Variants in ADGRD2 observed in about 807,000 individuals in gnomAD.
ADGRD2 encodes adhesion G protein-coupled receptor D2.
A neutral mutation model predicts 44.4 loss-of-function variants in ADGRD2; 71 were observed. The ratio of observed to expected loss-of-function variants is 1.60; its 90% CI spans 1.32 to 1.95. The LOEUF is 1.95. ADGRD2 is among the 30% of genes most tolerant of loss of function. The probability of loss-of-function intolerance (pLI) is 0.00; values close to 1 mark genes in which losing one functional copy is unlikely to be tolerated. For synonymous variants in ADGRD2, 481 were observed against 224.8 expected (o/e 2.14, Z -10.19); for missense variants, 1,039 against 512.4 (o/e 2.03, Z -9.92).
intron 11 of ADGRD2, among the ~76,000 whole-genome samples, 185 bp from the exon 15 acceptor site, chr9:124,467,536 A>C (rs150175341): frequency 0.012 from 1,782 of 152,190 alleles, 41 homozygotes; most frequent in African/African-American, 0.041. Context: ...AGCCAGCAGG[A>C]GAGAAGGACA....
At chr9:124,453,658 G>A (rs1378661756) in exon 3 of ADGRD2, 2 of 700,912 alleles carry the variant, frequency 2.9e-6, no homozygotes, top group Non-Finnish European at 5.2e-6. Context: ...CACTGTGTGG[G>A]TGCGCCTTCT....
rs774855874 is a variant in ADGRD2, at chr9:124,475,516, G to A, written c.2800+29G>A. On this transcript the variant is annotated intron_variant, in intron 18 of 21. Transcript: ENST00000334810. Reference sequence around the variant, plus strand: ...AGTCTGGGGGTGCCGGCTGCAGGGAGAGGGGTCCAAGGGGTAGGGAGGGTC... The same window carrying A: ...AGTCTGGGGGTGCCGGCTGCAGGGAAAGGGGTCCAAGGGGTAGGGAGGGTC... 7 of 715,814 alleles carry A rather than the reference G, an allele frequency of 9.8e-6. No homozygotes were observed. In the South Asian group the frequency reaches 1.0e-4, roughly 11 times the overall value. 44.3% of individuals were successfully genotyped at this position (715,814 alleles called of 1,614,324 possible).
At chr9:124,464,811 C>CGT (rs10635497) in intron 10 of ADGRD2, among the ~76,000 whole-genome samples, 102,902 of 151,144 alleles carry the variant, frequency 0.68, 35,557 homozygotes, top group African/African-American at 0.8. Context: ...TGTGTGTGTA[C>CGT]GTGTGTGTGT....
At chr9:124,472,314 T>G (rs1039446548) in intron 17 of ADGRD2, among the ~76,000 whole-genome samples, 1 of 152,154 alleles carries the variant, frequency 6.6e-6, no homozygotes, top group African/African-American at 2.4e-5. Context: ...CCCCTCTCCC[T>G]GTGCCCTTCT....
intron 17 of ADGRD2, among the ~76,000 whole-genome samples, chr9:124,471,724 C>A (rs1053636497): frequency 2.0e-5 from 3 of 152,230 alleles, no homozygotes; most frequent in Non-Finnish European, 4.4e-5. Context: ...GTTACTCATT[C>A]ATCCATGTGC....
intron 11 of ADGRD2, chr9:124,467,484 C>A: frequency 1.9e-6 from 1 of 531,838 alleles, no homozygotes; most frequent in Non-Finnish European, 3.4e-6. Context: ...TAGTAATTGT[C>A]CAGTTGGTAG....
At chr9:124,458,585 C>T (rs1428734638) in intron 9 of ADGRD2, 31 bp from the exon 13 acceptor site, 2 of 715,528 alleles carry the variant, frequency 2.8e-6, no homozygotes, top group Middle Eastern at 2.3e-4. Flanking sequence ...TCCTCCACAG[C>T]CACCCTTGAA....
At chr9:124,474,343 G>A (rs925690885) in intron 17 of ADGRD2, among the ~76,000 whole-genome samples, 9 of 151,774 alleles carry the variant, frequency 5.9e-5, no homozygotes, top group Admixed American at 2.0e-4. Flanking sequence ...CATGCAGGGC[G>A]TCAGGCAGGT....
At chr9:124,474,246 G>A (rs954064953) in intron 17 of ADGRD2, among the ~76,000 whole-genome samples, 2 of 137,042 alleles carry the variant, frequency 1.5e-5, no homozygotes, top group Non-Finnish European at 3.0e-5. Context: ...TTGCACTCCA[G>A]CCTGGGCAAT....
intron 3 of ADGRD2, 127 bp downstream of exon 6, chr9:124,453,803 T>G: frequency 1.6e-6 from 1 of 611,988 alleles, no homozygotes; most frequent in Non-Finnish European, 2.9e-6. Context: ...CAGGCCGCAG[T>G]GCCTGCAAGC....
intron 17 of ADGRD2, among the ~76,000 whole-genome samples, chr9:124,472,431 TG>T (rs1020693134): frequency 2.6e-5 from 4 of 151,416 alleles, no homozygotes; most frequent in Non-Finnish European, 5.9e-5. Flanking sequence ...GACACTGGTT[TG>T]TTTTTTTGTT....
At chr9:124,461,749 T>C (rs1256626951) in intron 10 of ADGRD2, among the ~76,000 whole-genome samples, 1 of 152,116 alleles carries the variant, frequency 6.6e-6, no homozygotes, top group Admixed American at 6.6e-5. Flanking sequence ...AATTTGTTTT[T>C]TGTTTTTTGT....
intron 11 of ADGRD2, 41 bp downstream of exon 14, chr9:124,466,454 T>C (rs1831827406): frequency 4.7e-6 from 3 of 643,252 alleles, no homozygotes; most frequent in South Asian, 3.6e-5. Flanking sequence ...AGGGGGCTTC[T>C]TAGCTGGAGG....
At chr9:124,466,801 A>T (rs1831832389) in intron 11 of ADGRD2, 2 of 154,056 alleles carry the variant, frequency 1.3e-5, no homozygotes, top group South Asian at 4.2e-4. Context: ...CAGAGCAAAA[A>T]CCTGTCTAAA....
exon 16 of ADGRD2, chr9:124,469,440 C>A: frequency 1.4e-6 from 1 of 718,234 alleles, no homozygotes; most frequent in Non-Finnish European, 2.6e-6. Flanking sequence ...AGGCCAACAC[C>A]TGCATCCTGG....
At chr9:124,462,981 CT>C (rs1831749761) in intron 10 of ADGRD2, among the ~76,000 whole-genome samples, 1 of 149,746 alleles carries the variant, frequency 6.7e-6, no homozygotes, top group African/African-American at 2.5e-5. Context: ...TCTTTCCTCC[CT>C]TTTGTTTCTT....
At chr9:124,459,510 T>G (rs1831686754) in intron 10 of ADGRD2, among the ~76,000 whole-genome samples, 1 of 151,784 alleles carries the variant, frequency 6.6e-6, no homozygotes, top group African/African-American at 2.4e-5. Flanking sequence ...AAAAAAAAGT[T>G]TTGTAGATAT....
chr9:124,451,631 C>G (rs894666081), upstream of ADGRD2: 1 of 272,008 alleles, frequency 3.7e-6, no homozygotes, highest in Non-Finnish European at 7.2e-6. Flanking sequence ...CTGCCTGTGA[C>G]CCCTGCTGTC....
At chr9:124,477,545 G>A (rs1193363585) in intron 21 of ADGRD2, among the ~76,000 whole-genome samples, 4 of 152,232 alleles carry the variant, frequency 2.6e-5, no homozygotes, top group Non-Finnish European at 5.9e-5. Flanking sequence ...GAAAGGCGCA[G>A]CCGCTAGCCA....
Sources: gnomAD v4.1 joint callset for allele counts (sites outside exome capture counted in the v4.1 genomes callset) on GRCh38, gnomAD v4.1.1 for gene constraint, MANE v1.5 for transcripts, NCBI Gene and HGNC (gene_info 2026-07-23, HGNC 2026-07-21) for gene names.